IGF1R: variants seen among roughly 807,000 people sequenced by gnomAD.
IGF1R encodes insulin-like growth factor 1 receptor.
A neutral mutation model predicts 144.6 loss-of-function variants in IGF1R; 44 were observed. The observed-to-expected ratio is 0.30, with a 90% CI of 0.24 to 0.39. The LOEUF is 0.39. IGF1R is among the 10% of genes least tolerant of loss of function. IGF1R has a pLI of 1.00. For synonymous variants in IGF1R, 795 were observed against 722.8 expected (o/e 1.10, Z -1.60); for missense variants, 1,355 against 1,833.7 (o/e 0.74, Z 4.77).
At chr15:98,763,840 G>A (rs1471711240) in intron 2 of IGF1R, among the ~76,000 whole-genome samples, 2 of 152,178 alleles carry the variant, frequency 1.3e-5, no homozygotes, top group Non-Finnish European at 2.9e-5. Context: ...CTTCTAACAA[G>A]GCTCTGCAGC....
At position 98,649,253 on chromosome 15, in the gene IGF1R, TC is replaced by T. The variant is rs1420285767; in HGVS notation, c.-323del. On this transcript the variant is annotated 5_prime_UTR_variant, in exon 1 of 21. Coordinates refer to ENST00000650285, the MANE Select transcript of IGF1R (RefSeq NM_000875.5). ...GCTTTGCCCCCTTTCTTTGCAGTTT[TC>T]CCCCCTTCCTGCCTCTCCGGGTTTG... is the stretch of plus-strand genomic sequence containing the variant. 1 of 215,290 alleles carries T rather than the reference TC, an allele frequency of 4.6e-6. No homozygotes were observed. The highest frequency in any genetic ancestry group is 9.3e-6 in the Non-Finnish European group (1 of 107,014). 13.3% of individuals were successfully genotyped at this position (215,290 alleles called of 1,614,324 possible). A position where few individuals can be genotyped will look rare whatever the true frequency, so the allele number is the denominator to read the frequency against.
chr15:98,657,335 G>C (rs1044607660), intron 1 of IGF1R, among the ~76,000 whole-genome samples: 12 of 152,236 alleles, frequency 7.9e-5, no homozygotes, highest in African/African-American at 2.7e-4. Flanking sequence ...AGGAGCCCAT[G>C]ATCCAATTGA....
intron 1 of IGF1R, among the ~76,000 whole-genome samples, chr15:98,654,140 T>C (rs1450568518): frequency 6.6e-6 from 1 of 152,206 alleles, no homozygotes; most frequent in African/African-American, 2.4e-5. Flanking sequence ...GACTTAGGAC[T>C]CTAGTGTTGT....
At chr15:98,800,712 C>T (rs1415406965) in intron 2 of IGF1R, among the ~76,000 whole-genome samples, 1 of 152,104 alleles carries the variant, frequency 6.6e-6, no homozygotes, top group Non-Finnish European at 1.5e-5. Context: ...GGTATCTGAG[C>T]GATTGTCTGT....
At chr15:98,947,895 T>C (rs45555131) in intron 19 of IGF1R, among the ~76,000 whole-genome samples, 3,655 of 152,180 alleles carry the variant, frequency 0.024, 138 homozygotes, top group African/African-American at 0.082. Context: ...GGAGTTCTCT[T>C]CTCCCTTGGC....
At chr15:98,769,479 A>G (rs1483833673) in intron 2 of IGF1R, among the ~76,000 whole-genome samples, 2 of 152,204 alleles carry the variant, frequency 1.3e-5, no homozygotes, top group African/African-American at 4.8e-5. Flanking sequence ...CCTCAGTCCA[A>G]CAACAGTGCT....
chr15:98,805,393 G>A (rs886267600), intron 2 of IGF1R, among the ~76,000 whole-genome samples: 13 of 152,090 alleles, frequency 8.5e-5, no homozygotes, highest in Non-Finnish European at 7.4e-5. Flanking sequence ...TTTCCCTGAA[G>A]TGTGTACCCT....
chr15:98,835,712 G>A (rs1258882271), intron 2 of IGF1R, among the ~76,000 whole-genome samples: 1 of 152,222 alleles, frequency 6.6e-6, no homozygotes, highest in Non-Finnish European at 1.5e-5. Flanking sequence ...TTTAGATGTG[G>A]TTGGGGTCTG....
chr15:98,949,427 G>A (rs1207639562), intron 20 of IGF1R, among the ~76,000 whole-genome samples: 4 of 145,824 alleles, frequency 2.7e-5, no homozygotes, highest in Non-Finnish European at 5.9e-5. Context: ...CGCCCAGGCT[G>A]GAGTGCATTG....
chr15:98,949,601 CCTCAGATGAT>C (rs913462468), intron 20 of IGF1R, among the ~76,000 whole-genome samples: 12 of 152,142 alleles, frequency 7.9e-5, no homozygotes, highest in Non-Finnish European at 1.5e-4. Flanking sequence ...GAACTCCTGA[CCTCAGATGAT>C]CTCCCCGCCT....
intron 20 of IGF1R, chr15:98,954,282 A>G (rs1423418628): frequency 2.0e-5 from 3 of 151,998 alleles, no homozygotes; most frequent in South Asian, 2.1e-4. Context: ...CCAGCAGGGC[A>G]GGAATTCCAT....
chr15:98,878,840 C>T (rs921460174), intron 2 of IGF1R, among the ~76,000 whole-genome samples: 6 of 151,856 alleles, frequency 4.0e-5, no homozygotes, highest in African/African-American at 1.5e-4. Context: ...ACTAAAAATA[C>T]AAAAAATTAG....
chr15:98,665,796 G>A lies in IGF1R; in HGVS notation c.94+16121G>A, dbSNP rs1030627613. ...GGTGGGAAGCCAGCTGCAGTGTGTT[G>A]CCTGATGCAGGATGGTGCGAGAAGG... On this transcript the variant is annotated intron_variant, in intron 1 of 20. Transcript: ENST00000650285. Among the ~76,000 whole-genome samples, 26 of 152,226 alleles carry A rather than the reference G, an allele frequency of 1.7e-4. 1 individual carries two copies. The highest frequency in any genetic ancestry group is 1.4e-3 in the Admixed American group (22 of 15,288).
chr15:98,839,177 G>A (rs2011134167), intron 2 of IGF1R, among the ~76,000 whole-genome samples: 1 of 152,186 alleles, frequency 6.6e-6, no homozygotes, highest in Admixed American at 6.5e-5. Context: ...CTAAACACTT[G>A]CCATATACTC....
At chr15:98,689,301 T>A (rs2053415679) in intron 1 of IGF1R, among the ~76,000 whole-genome samples, 1 of 147,328 alleles carries the variant, frequency 6.8e-6, no homozygotes, top group Admixed American at 7.0e-5. Flanking sequence ...TGCAGTGGCG[T>A]GATCTCAGCT....
intron 2 of IGF1R, among the ~76,000 whole-genome samples, chr15:98,790,133 A>G (rs557167182): frequency 1.5e-4 from 23 of 152,220 alleles, no homozygotes; most frequent in South Asian, 8.3e-4. Context: ...GATGAGGACA[A>G]TGGAGGAGAT....
At chr15:98,709,614 TA>T (rs2141262519) in intron 2 of IGF1R, among the ~76,000 whole-genome samples, 1 of 152,262 alleles carries the variant, frequency 6.6e-6, no homozygotes, top group South Asian at 2.1e-4. Context: ...ATCTGAAAAG[TA>T]AAAGGTGTTA....
At chr15:98,939,402 A>T (rs764538608) in intron 18 of IGF1R, 42 bp downstream of exon 18, 2 of 1,599,836 alleles carry the variant, frequency 1.3e-6, no homozygotes, top group Admixed American at 3.3e-5. Flanking sequence ...AACTAAACTC[A>T]GGTGTTTTGA....
chr15:98,719,186 G>T (rs2054190032), intron 2 of IGF1R, among the ~76,000 whole-genome samples: 1 of 152,178 alleles, frequency 6.6e-6, no homozygotes, highest in Admixed American at 6.5e-5. Flanking sequence ...GAGGTTTTAA[G>T]CAGGATTGCA....
Sources: allele counts gnomAD v4.1 joint callset (sites outside exome capture counted in the v4.1 genomes callset), GRCh38; gene constraint gnomAD v4.1.1; transcripts MANE v1.5; gene names NCBI Gene and HGNC (gene_info 2026-07-23, HGNC 2026-07-21).